FSTL5: variants seen among roughly 807,000 people sequenced by gnomAD.
The protein encoded by FSTL5 is follistatin like 5.
A neutral mutation model predicts 89.1 loss-of-function variants in FSTL5; 62 were observed. That is an observed-to-expected ratio of 0.70 (90% CI 0.57 to 0.86). FSTL5 has a LOEUF of 0.86. FSTL5 is among the 40% of genes least tolerant of loss of function. The probability of loss-of-function intolerance (pLI) is 0.00; values close to 1 mark genes in which losing one functional copy is unlikely to be tolerated. For synonymous variants in FSTL5, 383 were observed against 346.2 expected (o/e 1.11, Z -1.18); for missense variants, 1,057 against 1,001.6 (o/e 1.06, Z -0.75).
At chr4:161,872,764 A>G (rs192303874) in intron 4 of FSTL5, among the ~76,000 whole-genome samples, 241 of 152,342 alleles carry the variant, frequency 1.6e-3, no homozygotes, top group Non-Finnish European at 2.6e-3. Flanking sequence ...GTTTGCATGT[A>G]AAGTTTTATA....
At chr4:161,488,573 A>T (rs1442171520) in intron 12 of FSTL5, among the ~76,000 whole-genome samples, 1 of 152,098 alleles carries the variant, frequency 6.6e-6, no homozygotes, top group Non-Finnish European at 1.5e-5. Context: ...GGGTGCACTT[A>T]TATTATCTGT....
At chr4:162,061,431 AC>A (rs2111282594) in intron 2 of FSTL5, among the ~76,000 whole-genome samples, 2 of 152,236 alleles carry the variant, frequency 1.3e-5, no homozygotes, top group South Asian at 4.1e-4. Flanking sequence ...TGCCTCAGAC[AC>A]CCAGAGTGTT....
intron 3 of FSTL5, among the ~76,000 whole-genome samples, chr4:161,997,588 G>A (rs990083594): frequency 2.1e-5 from 3 of 144,774 alleles, no homozygotes; most frequent in Non-Finnish European, 4.5e-5. Flanking sequence ...GTGCATAAGT[G>A]TATACATGTT....
chr4:161,824,649 C>T (rs1730609950), intron 4 of FSTL5, among the ~76,000 whole-genome samples: 1 of 152,106 alleles, frequency 6.6e-6, no homozygotes, highest in Non-Finnish European at 1.5e-5. Context: ...AGAGGCTTTT[C>T]ACCTCCTTGG....
chr4:161,761,592 T>A (rs550155325), intron 5 of FSTL5, among the ~76,000 whole-genome samples: 2 of 152,204 alleles, frequency 1.3e-5, no homozygotes, highest in African/African-American at 4.8e-5. Context: ...CTTTACAAAC[T>A]TAATGTATTA....
chr4:161,404,661 G>A (rs1228914649), intron 15 of FSTL5, among the ~76,000 whole-genome samples: 2 of 149,968 alleles, frequency 1.3e-5, no homozygotes, highest in East Asian at 2.0e-4. Flanking sequence ...ATGACAGTAC[G>A]TAACAATAAA....
In FSTL5 at chr4:162,075,889, C is replaced by T. The variant is rs568858764; in HGVS notation, c.126+35382G>A. 9.9e-5 allele frequency among the ~76,000 whole-genome samples: 15 copies of T among 151,932 alleles called. No individual in the cohort carries two copies. In the South Asian group the frequency reaches 2.9e-3, roughly 29 times the overall value. On this transcript the variant is annotated intron_variant, in intron 2 of 15. Transcript: ENST00000306100. ...AAGATCATCCCAGCTTCAGAAGTCC[C>T]TGTGTGGGTGGCTGGAATCTCTGTT...
At chr4:161,420,267 G>A (rs2126310380) in intron 15 of FSTL5, among the ~76,000 whole-genome samples, 1 of 152,344 alleles carries the variant, frequency 6.6e-6, no homozygotes, top group African/African-American at 2.4e-5. Context: ...AGAATGAGTA[G>A]TGGAAGAAGG....
At chr4:161,825,712 T>C (rs1297254371) in intron 4 of FSTL5, among the ~76,000 whole-genome samples, 1 of 152,178 alleles carries the variant, frequency 6.6e-6, no homozygotes, top group Non-Finnish European at 1.5e-5. Flanking sequence ...ATATTTTGTA[T>C]TCTGTGGTAT....
At chr4:162,025,296 G>C (rs912807087) in intron 3 of FSTL5, among the ~76,000 whole-genome samples, 1 of 152,110 alleles carries the variant, frequency 6.6e-6, no homozygotes, top group African/African-American at 2.4e-5. Context: ...AACATTATAT[G>C]AAATTGAGGC....
intron 6 of FSTL5, among the ~76,000 whole-genome samples, chr4:161,725,117 A>G (rs1739352163): frequency 1.3e-5 from 2 of 152,090 alleles, no homozygotes; most frequent in South Asian, 4.1e-4. Flanking sequence ...AATCACTTGA[A>G]CCGGGGAGGC....
intron 8 of FSTL5, among the ~76,000 whole-genome samples, chr4:161,546,309 C>A (rs62324312): frequency 7.6e-6 from 1 of 131,922 alleles, no homozygotes. Context: ...TATATATATA[C>A]ACATATATAA....
chr4:161,533,031 TGAAAATA>T (rs1731475699), intron 10 of FSTL5, among the ~76,000 whole-genome samples: 1 of 151,968 alleles, frequency 6.6e-6, no homozygotes, highest in African/African-American at 2.4e-5. Context: ...TTGAAATTAA[TGAAAATA>T]GAGACACAAT....
At chr4:161,807,172 G>T (rs1048319959) in intron 4 of FSTL5, among the ~76,000 whole-genome samples, 2 of 146,116 alleles carry the variant, frequency 1.4e-5, no homozygotes, top group Non-Finnish European at 3.0e-5. Flanking sequence ...CATCTACTAC[G>T]ACTATTTGAA....
At chr4:161,978,701 G>A (rs539720154) in intron 3 of FSTL5, among the ~76,000 whole-genome samples, 65 of 152,118 alleles carry the variant, frequency 4.3e-4, no homozygotes, top group African/African-American at 1.5e-3. Context: ...AGTTTCTGTA[G>A]TATAATCCCT....
Position 161,613,140 on chromosome 4 carries a change from A to C in FSTL5, c.895-25565T>G, listed in dbSNP as rs529503463. Among the ~76,000 whole-genome samples the C allele has an allele frequency of 1.6e-4, 24 of 152,242 alleles. 1 individual carries two copies. In the East Asian group the frequency reaches 3.7e-3, roughly 23 times the overall value. ...TGATAATTCACTAATGCGGCACCTC[A>C]CATAATGCTTCCAACATTTAACAAT... On this transcript the variant is annotated intron_variant, in intron 7 of 15. Transcript: ENST00000306100.
chr4:162,092,897 C>T (rs759432440), intron 2 of FSTL5, among the ~76,000 whole-genome samples: 2 of 133,598 alleles, frequency 1.5e-5, no homozygotes, highest in Non-Finnish European at 3.1e-5. Flanking sequence ...TGCAGTGAGC[C>T]GAGATCACAC....
At chr4:161,445,774 C>T (rs1732923518) in intron 15 of FSTL5, among the ~76,000 whole-genome samples, 1 of 151,858 alleles carries the variant, frequency 6.6e-6, no homozygotes, top group Non-Finnish European at 1.5e-5. Context: ...TTTAAAGGCT[C>T]AATGTCATCC....
At chr4:161,413,313 T>C (rs1209473655) in intron 15 of FSTL5, among the ~76,000 whole-genome samples, 2 of 110,506 alleles carry the variant, frequency 1.8e-5, no homozygotes, top group Admixed American at 8.5e-5. Context: ...AAGAAGCATA[T>C]GAAAAAAAAT....
Sources: allele counts gnomAD v4.1 joint callset (sites outside exome capture counted in the v4.1 genomes callset), GRCh38; gene constraint gnomAD v4.1.1; transcripts MANE v1.5; gene names NCBI Gene and HGNC (gene_info 2026-07-23, HGNC 2026-07-21).